GRM3: variants seen among roughly 807,000 people sequenced by gnomAD.
GRM3 encodes the protein glutamate metabotropic receptor 3.
In GRM3, 26 loss-of-function variants were observed where a neutral mutation model predicts 70.5. That is an observed-to-expected ratio of 0.37 (90% CI 0.27 to 0.51). The LOEUF (loss-of-function observed/expected upper bound fraction) is 0.51, where lower values mean the gene tolerates loss of function less well. GRM3 is among the 20% of genes least tolerant of loss of function. The pLI, the probability that GRM3 is intolerant of heterozygous loss-of-function variation, is 0.93. For synonymous variants in GRM3, 443 were observed against 434.9 expected, an observed-to-expected ratio of 1.02 and a Z score of -0.23; for missense variants, 859 against 1,123.8, an observed-to-expected ratio of 0.76 and a Z score of 3.37.
chr7:86,860,974 C>T (rs1317684151), intron 5 of GRM3, among the ~76,000 whole-genome samples: 1 of 152,128 alleles, frequency 6.6e-6, no homozygotes, highest in Non-Finnish European at 1.5e-5. Context: ...TAGACTTATC[C>T]CTGTGACACA....
At chr7:86,674,366 G>T (rs1335711504) in intron 1 of GRM3, among the ~76,000 whole-genome samples, 1 of 152,042 alleles carries the variant, frequency 6.6e-6, no homozygotes, top group Admixed American at 6.6e-5. Context: ...AAGAGAAAGA[G>T]AACAAAGAAG....
At chr7:86,714,664 A>G (rs982928718) in intron 1 of GRM3, among the ~76,000 whole-genome samples, 7 of 152,074 alleles carry the variant, frequency 4.6e-5, no homozygotes, top group Admixed American at 3.3e-4. Context: ...AAAAGTTATA[A>G]AGATTCAATT....
At position 86,839,014 on chromosome 7, in the gene GRM3, C is replaced by T. The variant is rs1354966720; in HGVS notation, c.1500C>T (p.Ser500=). The T allele has an allele frequency of 6.2e-7, 1 of 1,614,126 alleles. No homozygotes were observed. Among genetic ancestry groups the T allele is most frequent in the Non-Finnish European group, 8.5e-7 (1 of 1,179,988 alleles). ...TAGATGTCAACTCTATCCACTGGTC[C>T]CGGAACTCAGTCCCCACTTCCCAGT... is the stretch of plus-strand genomic sequence containing the variant. ...LSLDVNSIHW[S]RNSVPTSQCS... Residue 500 remains serine, a synonymous_variant, in exon 4 of 6, where the codon TCC becomes TCT. Coordinates refer to ENST00000361669, the MANE Select transcript of GRM3 (RefSeq NM_000840.3). The surrounding 1 kb of genome is among the most constrained non-coding windows in gnomAD (Gnocchi z 4.5).
Position 86,808,174 on chromosome 7 carries a change from G to A in GRM3, c.1324+21058G>A, listed in dbSNP as rs141543163. ...GTATTTTATTGAGGATTTTCGCATCGATGTTCATCAGGGATATTGGTCTAA... is the reference window on the plus strand; with the variant it reads ...GTATTTTATTGAGGATTTTCGCATCAATGTTCATCAGGGATATTGGTCTAA... On this transcript the variant is annotated intron_variant, in intron 3 of 5. Coordinates refer to ENST00000361669, the MANE Select transcript of GRM3 (RefSeq NM_000840.3). 9.8e-3 allele frequency among the ~76,000 whole-genome samples: 1,485 copies of A among 152,154 alleles called. 10 individuals are homozygous for A. Among genetic ancestry groups the A allele is most frequent in the Non-Finnish European group, 0.014 (965 of 67,976 alleles).
intron 5 of GRM3, among the ~76,000 whole-genome samples, chr7:86,855,011 C>A (rs1798820562): frequency 6.6e-6 from 1 of 152,190 alleles, no homozygotes; most frequent in South Asian, 2.1e-4. Context: ...TGGGCATTCT[C>A]CTTCTAATGG....
intron 3 of GRM3, among the ~76,000 whole-genome samples, chr7:86,822,154 C>T (rs1234474035): frequency 2.0e-5 from 3 of 151,780 alleles, no homozygotes; most frequent in Non-Finnish European, 4.4e-5. Flanking sequence ...CAATATTTTA[C>T]TAAAGCACAC....
intron 5 of GRM3, among the ~76,000 whole-genome samples, chr7:86,855,536 C>G (rs1440483568): frequency 6.6e-6 from 1 of 152,062 alleles, no homozygotes; most frequent in East Asian, 1.9e-4. Flanking sequence ...GAGCTGTAGG[C>G]ATATGGAGAT....
intron 1 of GRM3, among the ~76,000 whole-genome samples, chr7:86,674,598 T>A (rs1794255120): frequency 6.6e-6 from 1 of 152,126 alleles, no homozygotes; most frequent in African/African-American, 2.4e-5. Flanking sequence ...AAGCTATAAA[T>A]CTATTAATGT....
intron 5 of GRM3, among the ~76,000 whole-genome samples, chr7:86,854,971 C>A (rs1798819801): frequency 6.6e-6 from 1 of 152,160 alleles, no homozygotes; most frequent in Non-Finnish European, 1.5e-5. Flanking sequence ...CATAGAAGAA[C>A]CTGGCCGCTC....
chr7:86,794,661 T>G (rs556833185), intron 3 of GRM3, among the ~76,000 whole-genome samples: 1 of 152,314 alleles, frequency 6.6e-6, no homozygotes, highest in Admixed American at 6.5e-5. Flanking sequence ...CTTATCACTT[T>G]ATGTGACATC....
chr7:86,818,501 A>G (rs562358680), intron 3 of GRM3, among the ~76,000 whole-genome samples: 4 of 152,184 alleles, frequency 2.6e-5, no homozygotes, highest in African/African-American at 7.2e-5. Context: ...CAGTTTTCCC[A>G]TCTGTAAAAT....
In GRM3 at chr7:86,644,544, A is replaced by C; in HGVS notation, c.-469A>C. On this transcript the variant is annotated 5_prime_UTR_variant, in exon 1 of 6. Coordinates refer to ENST00000361669, the MANE Select transcript of GRM3 (RefSeq NM_000840.3). ...GACCACTGGGTCCCCTCTTTCCCCA[A>C]CCTCCTCCCTCTCTTCTACTCCACC... The C allele has an allele frequency of 2.7e-6, 1 of 374,380 alleles. No individual in the cohort carries two copies. The highest frequency in any genetic ancestry group is 5.3e-6 in the Non-Finnish European group (1 of 188,526). 23.2% of individuals were successfully genotyped at this position (374,380 alleles called of 1,614,324 possible).
At chr7:86,853,929 T>C (rs892821471) in intron 5 of GRM3, among the ~76,000 whole-genome samples, 7 of 152,134 alleles carry the variant, frequency 4.6e-5, no homozygotes, top group Non-Finnish European at 8.8e-5. Context: ...ATTCCTGGCA[T>C]CTTGGCAGGA....
At chr7:86,769,769 G>A (rs2116436195) in intron 2 of GRM3, among the ~76,000 whole-genome samples, 1 of 152,254 alleles carries the variant, frequency 6.6e-6, no homozygotes, top group Admixed American at 6.5e-5. Flanking sequence ...CAACAAGCCA[G>A]TCTGCTGTGG....
intron 1 of GRM3, among the ~76,000 whole-genome samples, chr7:86,684,072 CAAGATTGTA>C (rs1259132093): frequency 6.6e-6 from 1 of 151,802 alleles, no homozygotes; most frequent in African/African-American, 2.4e-5. Context: ...TATCCCTTTA[CAAGATTGTA>C]AAGTTCTTCG....
chr7:86,764,890 G>C (rs935932986), intron 1 of GRM3, 116 bp from the exon 2 acceptor site: 3 of 544,074 alleles, frequency 5.5e-6, no homozygotes, highest in Admixed American at 7.8e-5. Context: ...GTGGTGTACT[G>C]TGTGTTTAGT....
At chr7:86,773,991 C>T (rs954894317) in intron 2 of GRM3, among the ~76,000 whole-genome samples, 19 of 151,900 alleles carry the variant, frequency 1.3e-4, no homozygotes, top group Middle Eastern at 3.2e-3. Flanking sequence ...GGAGGTCACG[C>T]GATAAAAAGC....
intron 2 of GRM3, among the ~76,000 whole-genome samples, chr7:86,783,826 C>T (rs539077847): frequency 3.9e-5 from 6 of 152,118 alleles, no homozygotes; most frequent in Non-Finnish European, 7.4e-5. Context: ...CTCTGAATAT[C>T]GTAAGTTTGA....
At chr7:86,653,442 C>T (rs1793656955) in intron 1 of GRM3, among the ~76,000 whole-genome samples, 1 of 152,164 alleles carries the variant, frequency 6.6e-6, no homozygotes, top group Non-Finnish European at 1.5e-5. Flanking sequence ...ATTGGATTAA[C>T]CAGTTGTATA....
Sources: allele counts gnomAD v4.1 joint callset (sites outside exome capture counted in the v4.1 genomes callset), GRCh38; gene constraint gnomAD v4.1.1; non-coding constraint Gnocchi (gnomAD v3.1); transcripts MANE v1.5; gene names NCBI Gene and HGNC (gene_info 2026-07-23, HGNC 2026-07-21).